HNRNPR: variants seen among roughly 807,000 people sequenced by gnomAD.
HNRNPR encodes the protein heterogeneous nuclear ribonucleoprotein R.
HNRNPR carries 4 observed loss-of-function variants against 70.3 expected under a neutral mutation model. That is an observed-to-expected ratio of 0.06 (90% confidence interval 0.03 to 0.13). HNRNPR has a LOEUF of 0.13. Among genes scored for constraint, HNRNPR ranks in the 10% least tolerant of loss-of-function variants. HNRNPR has a pLI of 1.00. For missense variants in HNRNPR, 423 were observed against 788.5 expected, an observed-to-expected ratio of 0.54 and a Z score of 5.55; for synonymous variants, 241 against 267.6, an observed-to-expected ratio of 0.90 and a Z score of 0.97.
At position 23,309,825 on chromosome 1, in the gene HNRNPR, T is replaced by A. The variant is rs962070174; in HGVS notation, c.*629A>T. On this transcript the variant is annotated 3_prime_UTR_variant, in exon 11 of 11. Transcript: ENST00000302271. ...TTTTTAGTTTTATTGAAATCTTACA[T>A]GAACAAGAAATTGGAAATACAATCA... 6 of 152,612 alleles carry A rather than the reference T, an allele frequency of 3.9e-5. No individual in the cohort carries two copies. The highest frequency in any genetic ancestry group is 1.4e-4 in the African/African-American group (6 of 41,458). 9.5% of individuals were successfully genotyped at this position (152,612 alleles called of 1,614,324 possible).
chr1:23,312,165 A>C (rs1217429411), intron 9 of HNRNPR, among the ~76,000 whole-genome samples: 1 of 152,188 alleles, frequency 6.6e-6, no homozygotes, highest in Non-Finnish European at 1.5e-5. Context: ...GTGATTTATA[A>C]GTATCTAGAC....
In HNRNPR at chr1:23,323,438, A is replaced by T. The variant is rs532316833; in HGVS notation, c.675+118T>A. 1.2e-4 allele frequency: 114 copies of T among 974,462 alleles called. No homozygotes were observed. In the South Asian group the frequency reaches 1.7e-3, roughly 15 times the overall value. The allele number at this position is 974,462 out of a possible 1,614,324, so 60.4% of individuals were successfully genotyped here. ...CGTCACATACCAACTTGGTCAGTAT[A>T]AAAACATTCCAAGCAACAACTGAAG... On this transcript the variant is annotated intron_variant, in intron 6 of 10. Transcript: ENST00000302271.
intron 5 of HNRNPR, among the ~76,000 whole-genome samples, chr1:23,330,642 C>A (rs1290770179): frequency 6.6e-6 from 1 of 152,174 alleles, no homozygotes; most frequent in Non-Finnish European, 1.5e-5. Context: ...CTCAGACACA[C>A]TAAAAAATAT....
At chr1:23,332,701 CAA>C (rs565860178) in intron 5 of HNRNPR, among the ~76,000 whole-genome samples, 2 of 87,352 alleles carry the variant, frequency 2.3e-5, no homozygotes, top group Non-Finnish European at 2.6e-5. Flanking sequence ...AATTCCATCT[CAA>C]AAAAAAAAAA....
intron 8 of HNRNPR, among the ~76,000 whole-genome samples, chr1:23,315,279 C>CAAAAA (rs1165980444): frequency 5.7e-5 from 2 of 35,390 alleles, no homozygotes; most frequent in Admixed American, 4.0e-4. Context: ...GGCTCCGTCT[C>CAAAAA]AAAAAAAAAA....
intron 5 of HNRNPR, among the ~76,000 whole-genome samples, chr1:23,329,643 T>C (rs905401856): frequency 2.6e-5 from 4 of 152,344 alleles, no homozygotes; most frequent in African/African-American, 9.6e-5. Context: ...AGTCTTTTCT[T>C]TTTTTGAGAC....
chr1:23,339,239 T>C (rs1272205041), intron 2 of HNRNPR, among the ~76,000 whole-genome samples: 1 of 152,270 alleles, frequency 6.6e-6, no homozygotes, highest in Non-Finnish European at 1.5e-5. Flanking sequence ...AAGTGCAGCT[T>C]GATTAATCAA....
At chr1:23,339,330 T>C (rs889311469) in intron 2 of HNRNPR, among the ~76,000 whole-genome samples, 2 of 152,242 alleles carry the variant, frequency 1.3e-5, no homozygotes, top group Non-Finnish European at 1.5e-5. Flanking sequence ...GGCATTCACA[T>C]TGACTGTCAA....
intron 5 of HNRNPR, among the ~76,000 whole-genome samples, chr1:23,330,482 C>G (rs1244682167): frequency 2.0e-5 from 3 of 152,000 alleles, no homozygotes; most frequent in South Asian, 2.1e-4. Flanking sequence ...TTGCAGTGAG[C>G]CGAGATCGTG....
intron 3 of HNRNPR, chr1:23,338,230 C>T (rs1370130258): frequency 6.0e-6 from 2 of 334,072 alleles, no homozygotes; most frequent in Non-Finnish European, 1.1e-5. Context: ...ATGTAAAAAC[C>T]TATAGTAACA....
At chr1:23,335,521 C>T (rs1646436769) in intron 4 of HNRNPR, among the ~76,000 whole-genome samples, 1 of 152,222 alleles carries the variant, frequency 6.6e-6, no homozygotes, top group Admixed American at 6.5e-5. Context: ...GGCATTACTG[C>T]CTGAGCTGTG....
At chr1:23,339,011 T>A (rs111916100) in intron 2 of HNRNPR, among the ~76,000 whole-genome samples, 1 of 152,218 alleles carries the variant, frequency 6.6e-6, no homozygotes, top group African/African-American at 2.4e-5. Flanking sequence ...GGATAAACCT[T>A]CAAATTACAG....
rs1280049537 is a variant in HNRNPR, at chr1:23,310,572, C to T, written c.1784G>A (p.Gly595Asp). The change falls in exon 11 of 11, where the codon GGT (glycine) becomes GAT (aspartate). Residue 595 changes from glycine (G) to aspartate (D), a missense_variant. Transcript: ENST00000302271. This position sits in a 1 kb window ranked among gnomAD's most constrained non-coding sequence, Gnocchi z 6.0. ...CGGCTGCTGAGCGATGGGTTGGGAA[C>T]CCCAGTTCTGTTGGTTGTTGGTCTG... ...RRQTNNQQNW[G>D]SQPIAQQPLQ... is the part of the protein sequence containing the mutation. 2 of 1,614,052 alleles carry T rather than the reference C, an allele frequency of 1.2e-6. No homozygotes were observed. The highest frequency in any genetic ancestry group is 1.7e-6 in the Non-Finnish European group (2 of 1,180,028).
chr1:23,340,551 GA>G (rs1265568979), intron 2 of HNRNPR, among the ~76,000 whole-genome samples: 2 of 152,068 alleles, frequency 1.3e-5, no homozygotes, highest in African/African-American at 4.8e-5. Context: ...TTTTGATTAA[GA>G]AAAAAATGTA....
Position 23,305,058 on chromosome 1 carries a change from T to C in HNRNPR, c.*5396A>G, listed in dbSNP as rs968750020. 2 of 152,218 alleles carry C rather than the reference T, an allele frequency of 1.3e-5. No individual in the cohort carries two copies. Among genetic ancestry groups the C allele is most frequent in the South Asian group, 2.1e-4 (1 of 4,836 alleles). 9.4% of individuals were successfully genotyped at this position (152,218 alleles called of 1,614,324 possible). On this transcript the variant is annotated 3_prime_UTR_variant, in exon 11 of 11. Coordinates refer to ENST00000302271, the MANE Select transcript of HNRNPR (RefSeq NM_005826.5). ...TCATGGGATCCTGACAAATCTACTA[T>C]ATAAAGTGAGAGCCCTTATTTAAAT...
chr1:23,313,057 C>T (rs1006096256), intron 9 of HNRNPR, among the ~76,000 whole-genome samples: 39 of 152,154 alleles, frequency 2.6e-4, no homozygotes, highest in African/African-American at 8.4e-4. Flanking sequence ...TAACAATTAC[C>T]GAAATCAGTA....
intron 9 of HNRNPR, among the ~76,000 whole-genome samples, chr1:23,312,579 G>C (rs1235383642): frequency 6.6e-6 from 1 of 152,180 alleles, no homozygotes; most frequent in Non-Finnish European, 1.5e-5. Flanking sequence ...TACTGAGTTT[G>C]TGATCTTGGA....
intron 6 of HNRNPR, among the ~76,000 whole-genome samples, chr1:23,323,336 A>G (rs1274867628): frequency 6.6e-6 from 1 of 152,222 alleles, no homozygotes; most frequent in Non-Finnish European, 1.5e-5. Context: ...TCTTAAATCA[A>G]TGGGAGACTT....
chr1:23,311,190 TG>T lies in HNRNPR; in HGVS notation c.1289+10del. ...TTGTCCAAAGATATATCTACTAAAA[TG>T]TAGACTCACGCAGTGCTTCTGGAGG... On this transcript the variant is annotated intron_variant, in intron 10 of 10. Transcript: ENST00000302271. The T allele has an allele frequency of 8.1e-6, 13 of 1,613,508 alleles. No homozygotes were observed. The highest frequency in any genetic ancestry group is 3.4e-4 in the Middle Eastern group (2 of 5,966).
Sources: gnomAD v4.1 joint callset for allele counts (sites outside exome capture counted in the v4.1 genomes callset) on GRCh38, gnomAD v4.1.1 for gene constraint, Gnocchi (gnomAD v3.1) non-coding constraint, MANE v1.5 for transcripts, NCBI Gene and HGNC (gene_info 2026-07-23, HGNC 2026-07-21) for gene names.